SLC1A1: variants seen among roughly 807,000 people sequenced by gnomAD.
The protein encoded by SLC1A1 is excitatory amino acid transporter 3.
Under a neutral mutation model 53.3 loss-of-function variants are expected in SLC1A1, and 43 were observed. The ratio of observed to expected loss-of-function variants is 0.81; its 90% confidence interval spans 0.63 to 1.04. The LOEUF (loss-of-function observed/expected upper bound fraction) is 1.04, where lower values mean the gene tolerates loss of function less well. Among genes scored for constraint, SLC1A1 ranks in the 50% least tolerant of loss-of-function variants. The probability of loss-of-function intolerance (pLI) is 0.00; values close to 1 mark genes in which losing one functional copy is unlikely to be tolerated. For synonymous variants in SLC1A1, 307 were observed against 243.2 expected, an observed-to-expected ratio of 1.26 and a Z score of -2.44; for missense variants, 748 against 664.9, an observed-to-expected ratio of 1.12 and a Z score of -1.37.
At position 4,586,800 on chromosome 9, in the gene SLC1A1, T is replaced by TTC. The variant is rs1337706657; in HGVS notation, c.*1242_*1243insTC. 1 of 152,218 alleles carries TTC rather than the reference T, an allele frequency of 6.6e-6. No individual in the cohort carries two copies. The highest frequency in any genetic ancestry group is 2.4e-5 in the African/African-American group (1 of 41,452). The allele number at this position is 152,218 out of a possible 1,614,324, so 9.4% of individuals were successfully genotyped here. A position where few individuals can be genotyped will look rare whatever the true frequency, so the allele number is the denominator to read the frequency against. On this transcript the variant is annotated 3_prime_UTR_variant, in exon 12 of 12. Coordinates refer to ENST00000262352, the MANE Select transcript of SLC1A1 (RefSeq NM_004170.6). ...GCAGAGTAAATCCCACGACATAAGC[T>TTC]GGTATCAGTGGTTCGGGGGAAATAG...
In SLC1A1 at chr9:4,576,754, T is replaced by C. The variant is rs1222386892; in HGVS notation, c.1184T>C (p.Ile395Thr). Residue 395 changes from isoleucine (I) to threonine (T), a missense_variant, in exon 10 of 12, where the codon ATC becomes ACC. Ile to Thr is a moderately conservative substitution (Grantham distance 89, BLOSUM62 -1). Coordinates refer to ENST00000262352, the MANE Select transcript of SLC1A1 (RefSeq NM_004170.6). ...CTGGACTTGGGCATTGGGCAGATCA[T>C]CACCATCAGGTGGGGCATGGTGTCA... ...NDLDLGIGQIITISITATSAS... is the reference protein window; with the variant it reads ...NDLDLGIGQITTISITATSAS... The C allele has an allele frequency of 1.2e-6, 2 of 1,613,802 alleles. No individual in the cohort carries two copies. Among genetic ancestry groups the C allele is most frequent in the Non-Finnish European group, 1.7e-6 (2 of 1,179,920 alleles).
At chr9:4,563,146 G>GAAA (rs761603173) in intron 3 of SLC1A1, among the ~76,000 whole-genome samples, 5 of 138,110 alleles carry the variant, frequency 3.6e-5, no homozygotes, top group African/African-American at 1.3e-4. Flanking sequence ...GAGAGAGAGA[G>GAAA]AAAAAAAAAA....
chr9:4,518,528 G>A (rs989439879), intron 1 of SLC1A1, among the ~76,000 whole-genome samples: 1 of 152,066 alleles, frequency 6.6e-6, no homozygotes, highest in East Asian at 1.9e-4. Context: ...CACTGCGCCT[G>A]GCCTACAGTA....
rs1017698820 is a variant in SLC1A1, at chr9:4,496,215, C to G, written c.91+5445C>G. ...GTGTGATAGAAATTAAGAACAGGAA[C>G]AGTGATGGGTGAGAGGCTCGGGGGC... On this transcript the variant is annotated intron_variant, in intron 1 of 11. Coordinates refer to ENST00000262352, the MANE Select transcript of SLC1A1 (RefSeq NM_004170.6). Among the ~76,000 whole-genome samples the G allele has an allele frequency of 3.3e-5, 5 of 151,932 alleles. 1 individual carries two copies. The highest frequency in any genetic ancestry group is 3.3e-4 in the Admixed American group (5 of 15,264).
intron 10 of SLC1A1, among the ~76,000 whole-genome samples, chr9:4,578,228 T>C (rs1450106596): frequency 6.6e-6 from 1 of 152,208 alleles, no homozygotes; most frequent in Admixed American, 6.5e-5. Flanking sequence ...TTATTGCTTG[T>C]ATTGGAATCG....
Position 4,583,880 on chromosome 9 carries a change from T to A in SLC1A1, c.1328+708T>A, listed in dbSNP as rs959631376. On this transcript the variant is annotated intron_variant, in intron 11 of 11. Transcript: ENST00000262352. The surrounding 1 kb of genome is among the most constrained non-coding windows in gnomAD (Gnocchi z 4.6). ...CTCTCTCTCTCTCTCTCTCTCTCTCTCTCACACACACACACACACACACAC... is the reference window on the plus strand; with the variant it reads ...CTCTCTCTCTCTCTCTCTCTCTCTCACTCACACACACACACACACACACAC... Among the ~76,000 whole-genome samples, 28 of 131,720 alleles carry A rather than the reference T, an allele frequency of 2.1e-4. No homozygotes were observed. Among genetic ancestry groups the A allele is most frequent in the African/African-American group, 8.7e-4 (26 of 30,032 alleles). The allele number at this position is 131,720 out of a possible 152,430, so 86.4% of individuals were successfully genotyped here. A position where few individuals can be genotyped will look rare whatever the true frequency, so the allele number is the denominator to read the frequency against.
At chr9:4,578,745 A>G (rs1346810747) in intron 10 of SLC1A1, among the ~76,000 whole-genome samples, 2 of 152,250 alleles carry the variant, frequency 1.3e-5, no homozygotes, top group African/African-American at 2.4e-5. Flanking sequence ...GCACTATTCA[A>G]TATGGTAACC....
chr9:4,507,781 G>T (rs1485037447), intron 1 of SLC1A1, among the ~76,000 whole-genome samples: 1 of 152,142 alleles, frequency 6.6e-6, no homozygotes, highest in Non-Finnish European at 1.5e-5. Flanking sequence ...AGGATGATCG[G>T]CCACCTTCTT....
intron 2 of SLC1A1, among the ~76,000 whole-genome samples, chr9:4,551,053 A>G (rs1817889361): frequency 6.6e-6 from 1 of 152,198 alleles, no homozygotes; most frequent in African/African-American, 2.4e-5. Flanking sequence ...CCAGGTAACA[A>G]AATAAACTAC....
Position 4,556,824 on chromosome 9 carries a change from T to A in SLC1A1, c.233-4625T>A, listed in dbSNP as rs1328733088. Among the ~76,000 whole-genome samples the A allele has an allele frequency of 6.6e-6, 1 of 152,142 alleles. No individual in the cohort carries two copies. The highest frequency in any genetic ancestry group is 1.5e-5 in the Non-Finnish European group (1 of 68,014). ...TACTCTTTTTATGTAAAAAAACACA[T>A]GTATCATTTACTATATAACCAGATA... On this transcript the variant is annotated intron_variant, in intron 2 of 11. Transcript: ENST00000262352. The surrounding 1 kb of genome is among the most constrained non-coding windows in gnomAD (Gnocchi z 4.1).
chr9:4,496,724 T>C lies in SLC1A1; in HGVS notation c.91+5954T>C, dbSNP rs1586685757. Among the ~76,000 whole-genome samples the C allele has an allele frequency of 2.6e-5, 4 of 152,078 alleles. No individual in the cohort carries two copies. The East Asian group carries it at 7.8e-4, about 30-fold the overall frequency. On this transcript the variant is annotated intron_variant, in intron 1 of 11. Coordinates refer to ENST00000262352, the MANE Select transcript of SLC1A1 (RefSeq NM_004170.6). ...AGCCTGGGCAACACAGCAGGACCCC[T>C]GTCTCTGCAAAATAAAAATTAAATT... is the stretch of plus-strand genomic sequence containing the variant.
At chr9:4,540,056 T>C (rs191862294) in intron 1 of SLC1A1, among the ~76,000 whole-genome samples, 194 of 152,196 alleles carry the variant, frequency 1.3e-3, no homozygotes, top group Admixed American at 2.9e-3. Context: ...AAACCACCCA[T>C]GGCCCTCCTG....
intron 3 of SLC1A1, among the ~76,000 whole-genome samples, chr9:4,562,821 G>C (rs1028377157): frequency 5.9e-5 from 9 of 151,914 alleles, no homozygotes; most frequent in Non-Finnish European, 1.0e-4. Flanking sequence ...TATCATTGTT[G>C]GACATTTGGG....
In SLC1A1 at chr9:4,490,476, A is replaced by G. The variant is rs1360276094; in HGVS notation, c.-204A>G. On this transcript the variant is annotated 5_prime_UTR_variant, in exon 1 of 12. Coordinates refer to ENST00000262352, the MANE Select transcript of SLC1A1 (RefSeq NM_004170.6). ...CCGGGCGCGCCTGCCACGCAAAACT[A>G]CCGGGCTGGCAGGGCGGCGGGCGCG... 2.9e-6 allele frequency: 1 copy of G among 347,232 alleles called. No individual in the cohort carries two copies. The allele number at this position is 347,232 out of a possible 1,614,324, so 21.5% of individuals were successfully genotyped here. A position where few individuals can be genotyped will look rare whatever the true frequency, so the allele number is the denominator to read the frequency against.
chr9:4,502,082 A>T (rs1820649527), intron 1 of SLC1A1, among the ~76,000 whole-genome samples: 1 of 151,566 alleles, frequency 6.6e-6, no homozygotes, highest in Non-Finnish European at 1.5e-5. Flanking sequence ...AGCAGGTTTC[A>T]TTTAAGATTT....
chr9:4,526,869 CTTACT>C (rs1816280873), intron 1 of SLC1A1, among the ~76,000 whole-genome samples: 1 of 151,848 alleles, frequency 6.6e-6, no homozygotes, highest in African/African-American at 2.4e-5. Context: ...GCATAATCCC[CTTACT>C]TTAAGTGTGG....
chr9:4,491,712 T>A (rs796194769), intron 1 of SLC1A1, among the ~76,000 whole-genome samples: 13 of 152,300 alleles, frequency 8.5e-5, no homozygotes, highest in African/African-American at 3.1e-4. Context: ...TTCCCAGTGA[T>A]AGCTCCTCAG....
At chr9:4,581,355 A>C (rs1468043600) in intron 10 of SLC1A1, among the ~76,000 whole-genome samples, 4 of 152,246 alleles carry the variant, frequency 2.6e-5, no homozygotes, top group Non-Finnish European at 5.9e-5. Flanking sequence ...GAATATGTTC[A>C]AGCAGCAGGA....
intron 1 of SLC1A1, among the ~76,000 whole-genome samples, chr9:4,543,644 A>T (rs1423506382): frequency 2.0e-5 from 3 of 152,210 alleles, no homozygotes; most frequent in Non-Finnish European, 2.9e-5. Context: ...TCAAAATCAG[A>T]AACTTTGTAA....
Sources: allele counts gnomAD v4.1 joint callset (sites outside exome capture counted in the v4.1 genomes callset), GRCh38; gene constraint gnomAD v4.1.1; non-coding constraint Gnocchi (gnomAD v3.1); transcripts MANE v1.5; gene names NCBI Gene and HGNC (gene_info 2026-07-23, HGNC 2026-07-21).